The following ZNF644 variants were observed in gnomAD, a reference collection of about 807,000 sequenced individuals.
The protein encoded by ZNF644 is zinc finger protein 644.
Under a neutral mutation model 108.0 loss-of-function variants are expected in ZNF644, and 20 were observed. The observed-to-expected ratio is 0.19, with a 90% CI of 0.13 to 0.27. The LOEUF (loss-of-function observed/expected upper bound fraction) is 0.27. Ranked by LOEUF, ZNF644 falls within the 10% of genes least tolerant of loss-of-function variation. The pLI is 1.00. For synonymous variants in ZNF644, 542 were observed against 539.1 expected (o/e 1.01, Z -0.08); for missense variants, 1,338 against 1,548.9 (o/e 0.86, Z 2.29).
chr1:90,991,494 G>A (rs1271090306), intron 1 of ZNF644, among the ~76,000 whole-genome samples: 1 of 152,150 alleles, frequency 6.6e-6, no homozygotes, highest in Admixed American at 6.5e-5. Flanking sequence ...TTCTCACACT[G>A]CTATAAAGAA....
rs1352732618 is a variant in ZNF644, at chr1:90,916,202, C to T, written c.*596G>A. 6.6e-6 allele frequency: 1 copy of T among 152,438 alleles called. No homozygotes were observed. The highest frequency in any genetic ancestry group is 6.6e-5 in the Admixed American group (1 of 15,258). The allele number at this position is 152,438 out of a possible 1,614,324, so 9.4% of individuals were successfully genotyped here. ...TAGAAATACTTGTTTAAACAAATCT[C>T]CCTCCACTTTTTAGTATAAAAAAAA... On this transcript the variant is annotated 3_prime_UTR_variant, in exon 6 of 6. Transcript: ENST00000337393.
At chr1:90,950,308 A>AGGGGAGGGCAGGG (rs1557588325) in intron 2 of ZNF644, among the ~76,000 whole-genome samples, 84 of 78,762 alleles carry the variant, frequency 1.1e-3, no homozygotes, top group Non-Finnish European at 1.5e-3. Context: ...AGGGGAGGGG[A>AGGGGAGGGCAGGG]CAAAAGAAAA....
chr1:91,018,432 G>A (rs774068599), intron 1 of ZNF644, among the ~76,000 whole-genome samples: 1 of 152,164 alleles, frequency 6.6e-6, no homozygotes, highest in African/African-American at 2.4e-5. Flanking sequence ...AGATTAATAA[G>A]TGTAAATAAA....
rs200344127 is a variant in ZNF644, at chr1:90,940,420, T to C, written c.934A>G (p.Asn312Asp). Residue 312 changes from asparagine (N) to aspartate (D), a missense_variant, in exon 3 of 6, where the codon AAT (asparagine) becomes GAT (aspartate). Coordinates refer to ENST00000337393, the MANE Select transcript of ZNF644 (RefSeq NM_201269.3). ...RYTEDCFSDSNCVPNKSKMQE... is the reference protein window; with the variant it reads ...RYTEDCFSDSDCVPNKSKMQE... ...ATTTTTGATTTATTGGGTACACAAT[T>C]AGAATCACTAAAGCAATCCTCGGTA... The C allele has an allele frequency of 6.2e-7, 1 of 1,613,564 alleles. No individual in the cohort carries two copies. The highest frequency in any genetic ancestry group is 8.5e-7 in the Non-Finnish European group (1 of 1,179,928).
intron 4 of ZNF644, among the ~76,000 whole-genome samples, chr1:90,933,069 T>A (rs1026055269): frequency 2.0e-5 from 3 of 152,216 alleles, no homozygotes; most frequent in African/African-American, 4.8e-5. Flanking sequence ...GAAGATTTTT[T>A]AGATAATCTT....
chr1:90,994,903 G>C (rs1048546544), intron 1 of ZNF644, among the ~76,000 whole-genome samples: 2 of 152,130 alleles, frequency 1.3e-5, no homozygotes, highest in African/African-American at 2.4e-5. Flanking sequence ...GATGGCCGTG[G>C]CTGCATACAT....
chr1:90,923,727 T>G (rs1199623890), intron 4 of ZNF644, among the ~76,000 whole-genome samples: 3 of 152,144 alleles, frequency 2.0e-5, no homozygotes, highest in Admixed American at 2.0e-4. Context: ...GTTAACTAGT[T>G]CCTGCTTGTT....
intron 1 of ZNF644, among the ~76,000 whole-genome samples, chr1:90,999,940 A>C (rs1241137758): frequency 1.3e-5 from 2 of 152,232 alleles, no homozygotes; most frequent in East Asian, 3.8e-4. Context: ...AGAGACAAAG[A>C]AGGCCATTAC....
chr1:90,977,926 A>T (rs1310524687), intron 2 of ZNF644, among the ~76,000 whole-genome samples: 1 of 152,242 alleles, frequency 6.6e-6, no homozygotes, highest in Non-Finnish European at 1.5e-5. Context: ...AATACATACC[A>T]GCTATTTTTG....
intron 2 of ZNF644, among the ~76,000 whole-genome samples, chr1:90,943,447 T>TA (rs1652210700): frequency 6.6e-6 from 1 of 152,026 alleles, no homozygotes; most frequent in Non-Finnish European, 1.5e-5. Flanking sequence ...TCTCAAAAAA[T>TA]AAAAAACAAT....
intron 2 of ZNF644, among the ~76,000 whole-genome samples, chr1:90,979,821 T>C (rs1323108357): frequency 6.6e-6 from 1 of 152,206 alleles, no homozygotes; most frequent in African/African-American, 2.4e-5. Flanking sequence ...GCAACATGGA[T>C]TAATACCTCC....
At chr1:90,956,080 A>G (rs1007275931) in intron 2 of ZNF644, among the ~76,000 whole-genome samples, 4 of 152,206 alleles carry the variant, frequency 2.6e-5, no homozygotes, top group Admixed American at 6.5e-5. Context: ...AGAGGGAGAG[A>G]GACAGGCAAG....
At position 90,937,911 on chromosome 1, in the gene ZNF644, TTTC is replaced by T; in HGVS notation, c.3259_3261del (p.Glu1087del). The T allele has an allele frequency of 6.2e-7, 1 of 1,613,804 alleles. No individual in the cohort carries two copies. The highest frequency in any genetic ancestry group is 8.5e-7 in the Non-Finnish European group (1 of 1,179,888). On this transcript the variant is annotated inframe_deletion, in exon 4 of 6. Transcript: ENST00000337393. The stretch of plus-strand genomic sequence containing the variant: ...AATGCCTTTAAGATTTTTTCATATT[TTTC>T]TTCATTTTGCATCATCTCATTCAGA...
Position 90,938,162 on chromosome 1 carries a change from T to G in ZNF644, c.3083-72A>C. ...TGACCACCCTAAAATGAGTTAATTC[T>G]GAAACATAAAATTATGATTCTAATA... On this transcript the variant is annotated intron_variant, in intron 3 of 5. Transcript: ENST00000337393. The surrounding 1 kb of genome is among the most constrained non-coding windows in gnomAD (Gnocchi z 4.2). 2 of 1,605,824 alleles carry G rather than the reference T, an allele frequency of 1.2e-6. No individual in the cohort carries two copies. Among genetic ancestry groups the G allele is most frequent in the Non-Finnish European group, 1.7e-6 (2 of 1,174,828 alleles).
chr1:90,917,738 T>C (rs1648963776), intron 5 of ZNF644, among the ~76,000 whole-genome samples: 1 of 152,202 alleles, frequency 6.6e-6, no homozygotes, highest in Admixed American at 6.5e-5. Flanking sequence ...CCTCAAGTGA[T>C]CCACCCATCT....
At chr1:90,926,033 T>A (rs1205271099) in intron 4 of ZNF644, among the ~76,000 whole-genome samples, 1 of 151,998 alleles carries the variant, frequency 6.6e-6, no homozygotes, top group African/African-American at 2.4e-5. Flanking sequence ...TCCTAAGAGT[T>A]AAAAAGAAAC....
At chr1:90,953,411 A>G (rs1186952129) in intron 2 of ZNF644, among the ~76,000 whole-genome samples, 1 of 152,018 alleles carries the variant, frequency 6.6e-6, no homozygotes, top group Non-Finnish European at 1.5e-5. Flanking sequence ...GCATCAGGAA[A>G]AATAGCTAAT....
At chr1:91,012,603 C>A (rs539853805) in intron 1 of ZNF644, among the ~76,000 whole-genome samples, 1 of 152,236 alleles carries the variant, frequency 6.6e-6, no homozygotes, top group South Asian at 2.1e-4. Flanking sequence ...GCACAAGGCA[C>A]CTTTAATCAG....
At chr1:91,020,631 A>G (rs1660817519) in intron 1 of ZNF644, 1 of 152,236 alleles carries the variant, frequency 6.6e-6, no homozygotes, top group South Asian at 2.1e-4. Flanking sequence ...TTCCCTAGAT[A>G]CTTACACATG....
Sources: gnomAD v4.1 joint callset for allele counts (sites outside exome capture counted in the v4.1 genomes callset) on GRCh38, gnomAD v4.1.1 for gene constraint, Gnocchi (gnomAD v3.1) non-coding constraint, MANE v1.5 for transcripts, NCBI Gene and HGNC (gene_info 2026-07-23, HGNC 2026-07-21) for gene names.